APOM: variants seen among roughly 807,000 people sequenced by gnomAD.
The protein encoded by APOM is apolipoprotein M, also known as NG20-like protein.
In APOM, 24 loss-of-function variants were observed where a neutral mutation model predicts 23.5. The ratio of observed to expected loss-of-function variants is 1.02; its 90% CI spans 0.74 to 1.44. The LOEUF (loss-of-function observed/expected upper bound fraction) is 1.44. Ranked by LOEUF, APOM falls within the 40% of genes most tolerant of loss-of-function variation. APOM has a pLI of 0.00. For missense variants in APOM, 200 were observed against 233.2 expected (o/e 0.86, Z 0.93); for synonymous variants, 82 against 84.1 (o/e 0.97, Z 0.14).
upstream of APOM, among the ~76,000 whole-genome samples, chr6:31,653,449 G>A (rs537817104): frequency 2.8e-4 from 43 of 152,290 alleles, no homozygotes; most frequent in African/African-American, 9.6e-4. Context: ...TTATACCCAG[G>A]TCCTGGTTAT....
In APOM at chr6:31,657,095, G is replaced by A. The variant is rs888160366; in HGVS notation, c.270-130G>A. 5.5e-5 allele frequency: 45 copies of A among 825,560 alleles called. 1 individual carries two copies. Among genetic ancestry groups the A allele is most frequent in the Middle Eastern group, 6.1e-4 (2 of 3,276 alleles). The allele number at this position is 825,560 out of a possible 1,614,324, so 51.1% of individuals were successfully genotyped here. ...CGGGAGGCAGAGCTTGCAGTGAGCC[G>A]AGATGGCGCCACTGCACTCCAGCCT... On this transcript the variant is annotated intron_variant, in intron 2 of 5. Coordinates refer to ENST00000375916, the MANE Select transcript of APOM (RefSeq NM_019101.3).
chr6:31,657,924 C>A (rs1050834057), intron 5 of APOM, 140 bp from the exon 6 acceptor site: 3 of 1,019,188 alleles, frequency 2.9e-6, no homozygotes, highest in Non-Finnish European at 4.6e-6. Flanking sequence ...GAGGGTCATA[C>A]GTGGAGGGAA....
chr6:31,657,113 T>G (rs1800167620), intron 2 of APOM, 112 bp from the exon 3 acceptor site: 1 of 1,055,976 alleles, frequency 9.5e-7, no homozygotes, highest in African/African-American at 1.6e-5. Context: ...GCCACTGCAC[T>G]CCAGCCTGGG....
At chr6:31,656,675 A>G in intron 2 of APOM, 49 bp downstream of exon 2, 1 of 1,589,998 alleles carries the variant, frequency 6.3e-7, no homozygotes, top group Non-Finnish European at 8.6e-7. Context: ...CTCTGCCCAA[A>G]GTGTGAGAAT....
upstream of APOM, among the ~76,000 whole-genome samples, chr6:31,653,876 T>C (rs1799488625): frequency 6.6e-6 from 1 of 152,148 alleles, no homozygotes; most frequent in Non-Finnish European, 1.5e-5. Context: ...GGTCTTGCTA[T>C]GTTGCCCAGC....
chr6:31,657,967 A>T, intron 5 of APOM, 97 bp from the exon 6 acceptor site: 1 of 1,283,262 alleles, frequency 7.8e-7, no homozygotes, highest in Non-Finnish European at 1.1e-6. Flanking sequence ...TGACACAGGG[A>T]ATGAAAGAAC....
chr6:31,656,474 C>T lies in APOM; in HGVS notation c.117C>T (p.Phe39=). 6.2e-7 allele frequency: 1 copy of T among 1,613,862 alleles called. No homozygotes were observed. Among genetic ancestry groups the T allele is most frequent in the Non-Finnish European group, 8.5e-7 (1 of 1,179,840 alleles). ...LTTLGVDGKE[F]PEVHLGQWYF... is the part of the protein sequence containing the mutation. ...TGCTCCCTTCATTGTCTCTCCAGTT[C>T]CCAGAGGTCCACTTGGGCCAGTGGT... The change falls in exon 2 of 6, where the codon TTC becomes TTT. Residue 39 remains phenylalanine (F), a splice_region_variant and synonymous_variant. Transcript: ENST00000375916.
chr6:31,657,939 G>A, intron 5 of APOM, 125 bp from the exon 6 acceptor site: 1 of 1,096,684 alleles, frequency 9.1e-7, no homozygotes, highest in Non-Finnish European at 1.4e-6. Context: ...AGGGAAAAGA[G>A]CCTTAGAGAC....
At chr6:31,653,991 A>T (rs1298685926), upstream of APOM, among the ~76,000 whole-genome samples, 1 of 152,118 alleles carries the variant, frequency 6.6e-6, no homozygotes, top group Non-Finnish European at 1.5e-5. Context: ...GGCCGGGCGC[A>T]GTGACTCACA....
chr6:31,658,196 A>C lies in APOM; in HGVS notation c.*107A>C. Reference sequence around the variant, plus strand: ...GCTCCCACTCAAGATAATAAAGATAATTTTTCAATCCTCATCTCATTCTGG... The same window carrying C: ...GCTCCCACTCAAGATAATAAAGATACTTTTTCAATCCTCATCTCATTCTGG... On this transcript the variant is annotated 3_prime_UTR_variant, in exon 6 of 6. Transcript: ENST00000375916. The C allele has an allele frequency of 7.6e-7, 1 of 1,319,008 alleles. No homozygotes were observed. The highest frequency in any genetic ancestry group is 1.5e-5 in the African/African-American group (1 of 68,624). The allele number at this position is 1,319,008 out of a possible 1,614,324, so 81.7% of individuals were successfully genotyped here. A position where few individuals can be genotyped will look rare whatever the true frequency, so the allele number is the denominator to read the frequency against.
chr6:31,654,375 T>C (rs1461471016), upstream of APOM, among the ~76,000 whole-genome samples: 2 of 152,184 alleles, frequency 1.3e-5, no homozygotes, highest in Non-Finnish European at 1.5e-5. Flanking sequence ...GGCAAATTTT[T>C]TGTGGCAGTC....
upstream of APOM, chr6:31,655,873 G>A (rs757812055): frequency 1.6e-4 from 130 of 801,968 alleles, no homozygotes; most frequent in Admixed American, 3.9e-4. Flanking sequence ...GTCAAGGGTC[G>A]AACGCAAGGG....
At chr6:31,654,445 T>C (rs1193289293), upstream of APOM, among the ~76,000 whole-genome samples, 2 of 152,042 alleles carry the variant, frequency 1.3e-5, no homozygotes, top group Non-Finnish European at 2.9e-5. Context: ...CCCAACACTT[T>C]AGGAGGCTAA....
At chr6:31,656,953 TGGCTAACACA>T (rs1800143851) in intron 2 of APOM, among the ~76,000 whole-genome samples, 1 of 152,118 alleles carries the variant, frequency 6.6e-6, no homozygotes, top group Non-Finnish European at 1.5e-5. Context: ...GAGACCATCC[TGGCTAACACA>T]GTGAAACCCC....
chr6:31,657,988 C>G lies in APOM; in HGVS notation c.542-76C>G, dbSNP rs1489639435. ...AGGGAATGAAAGAACACGTTCTCCC[C>G]CACCCCATTACTATCAACTTTGCTT... On this transcript the variant is annotated intron_variant, in intron 5 of 5. Transcript: ENST00000375916. The G allele has an allele frequency of 3.4e-6, 5 of 1,453,738 alleles. No homozygotes were observed. In the Admixed American group the frequency reaches 5.1e-5, roughly 15 times the overall value. The allele number at this position is 1,453,738 out of a possible 1,614,324, so 90.1% of individuals were successfully genotyped here. A position where few individuals can be genotyped will look rare whatever the true frequency, so the allele number is the denominator to read the frequency against.
At chr6:31,654,390 G>A (rs935774521), upstream of APOM, among the ~76,000 whole-genome samples, 1 of 152,002 alleles carries the variant, frequency 6.6e-6, no homozygotes, top group Non-Finnish European at 1.5e-5. Flanking sequence ...GCAGTCCATG[G>A]GATATAAATT....
At chr6:31,656,285 G>A (rs914596335) in intron 1 of APOM, among the ~76,000 whole-genome samples, 187 bp from the exon 2 acceptor site, 1 of 152,024 alleles carries the variant, frequency 6.6e-6, no homozygotes, top group Non-Finnish European at 1.5e-5. Flanking sequence ...GGTTACCCAG[G>A]TTGACTGGGG....
At chr6:31,657,883 G>A (rs762184594) in intron 5 of APOM, 160 bp downstream of exon 5, 40 of 946,118 alleles carry the variant, frequency 4.2e-5, no homozygotes, top group Non-Finnish European at 6.0e-5. Context: ...CAAAAGAGAG[G>A]TTTCTGAGTT....
Position 31,656,498 on chromosome 6 carries a change from G to A in APOM, c.141G>A (p.Trp47Ter), listed in dbSNP as rs1800076991. ...KEFPEVHLGQ[W>*]YFIAGAAPTK... ...TCCCAGAGGTCCACTTGGGCCAGTG[G>A]TACTTTATCGCAGGGGCAGCTCCCA... is the stretch of plus-strand genomic sequence containing the variant. The change falls in exon 2 of 6, where the codon TGG (tryptophan) becomes TGA (stop). Residue 47 changes from tryptophan to a stop codon, truncating the protein, a stop_gained. Transcript: ENST00000375916. LOFTEE classifies it high-confidence loss of function. 3 of 1,614,036 alleles carry A rather than the reference G, an allele frequency of 1.9e-6. No individual in the cohort carries two copies. In the African/African-American group the frequency reaches 4.0e-5, roughly 22 times the overall value.
Sources: allele counts gnomAD v4.1 joint callset (sites outside exome capture counted in the v4.1 genomes callset), GRCh38; gene constraint gnomAD v4.1.1; transcripts MANE v1.5; gene names NCBI Gene and HGNC (gene_info 2026-07-23, HGNC 2026-07-21).